Variants in QKI observed in about 807,000 individuals in gnomAD.
QKI encodes the protein QKI, KH domain containing RNA binding, also known as KH domain-containing RNA-binding protein QKI.
Under a neutral mutation model 39.0 loss-of-function variants are expected in QKI, and 10 were observed. The ratio of observed to expected loss-of-function variants is 0.26; its 90% confidence interval spans 0.16 to 0.43. The LOEUF (loss-of-function observed/expected upper bound fraction) is 0.43, where lower values mean the gene tolerates loss of function less well. Ranked by LOEUF, QKI falls within the 20% of genes least tolerant of loss-of-function variation. The probability of loss-of-function intolerance (pLI) is 1.00; values close to 1 mark genes in which losing one functional copy is unlikely to be tolerated. For synonymous variants in QKI, 204 were observed against 155.4 expected, an observed-to-expected ratio of 1.31 and a Z score of -2.33; for missense variants, 218 against 428.0, an observed-to-expected ratio of 0.51 and a Z score of 4.33.
At chr6:163,495,345 G>A (rs1778339157) in intron 3 of QKI, among the ~76,000 whole-genome samples, 1 of 152,174 alleles carries the variant, frequency 6.6e-6, no homozygotes, top group South Asian at 2.1e-4. Flanking sequence ...CTAATTCAGT[G>A]TTCCTGGTGA....
Position 163,415,069 on chromosome 6 carries a change from G to C in QKI, c.-125G>C. The C allele has an allele frequency of 1.1e-6, 1 of 937,686 alleles. No individual in the cohort carries two copies. The highest frequency in any genetic ancestry group is 1.8e-5 in the African/African-American group (1 of 55,602). 58.1% of individuals were successfully genotyped at this position (937,686 alleles called of 1,614,324 possible). ...GGGGCTCGGCGCGGGAGCCAGAGCGGGAGCCGGCGCGGAGCGGGACGCCGG... is the reference window on the plus strand; with the variant it reads ...GGGGCTCGGCGCGGGAGCCAGAGCGCGAGCCGGCGCGGAGCGGGACGCCGG... On this transcript the variant is annotated 5_prime_UTR_variant, in exon 1 of 8. Transcript: ENST00000361752.
intron 3 of QKI, among the ~76,000 whole-genome samples, chr6:163,521,173 C>T (rs927815399): frequency 2.6e-5 from 4 of 151,932 alleles, no homozygotes; most frequent in Admixed American, 6.6e-5. Flanking sequence ...TTATGTCATC[C>T]GAATATCAGC....
intron 1 of QKI, among the ~76,000 whole-genome samples, chr6:163,424,049 T>C (rs905480806): frequency 2.6e-5 from 4 of 152,242 alleles, no homozygotes; most frequent in African/African-American, 9.6e-5. Flanking sequence ...GTAGCTACTA[T>C]ATCGTATTCC....
intron 1 of QKI, 57 bp downstream of exon 1, chr6:163,415,392 C>T: frequency 2.0e-6 from 3 of 1,526,352 alleles, no homozygotes; most frequent in Middle Eastern, 2.0e-4. Context: ...GGCCCCTTTC[C>T]CCGCTTGGGA....
intron 3 of QKI, among the ~76,000 whole-genome samples, chr6:163,505,579 G>A (rs984984460): frequency 3.9e-5 from 6 of 152,140 alleles, no homozygotes; most frequent in African/African-American, 1.2e-4. Context: ...CTGCCTACCC[G>A]GGTTTTGGAC....
chr6:163,501,982 CTAAA>C (rs1778796330), intron 3 of QKI, among the ~76,000 whole-genome samples: 1 of 152,148 alleles, frequency 6.6e-6, no homozygotes, highest in African/African-American at 2.4e-5. Context: ...CTTTCATAGA[CTAAA>C]TATTTTATTT....
chr6:163,485,057 A>G (rs1777561688), intron 3 of QKI, among the ~76,000 whole-genome samples: 1 of 152,194 alleles, frequency 6.6e-6, no homozygotes, highest in Non-Finnish European at 1.5e-5. Context: ...GACCAAATAT[A>G]TTTATTTCAT....
intron 1 of QKI, among the ~76,000 whole-genome samples, chr6:163,448,540 C>T (rs1033973619): frequency 5.3e-5 from 8 of 151,104 alleles, no homozygotes; most frequent in Non-Finnish European, 8.8e-5. Context: ...CCAGCCTGGC[C>T]GACATGGTGA....
At position 163,496,689 on chromosome 6, in the gene QKI, T is replaced by C. The variant is rs1205901007; in HGVS notation, c.402+17793T>C. 8.5e-5 allele frequency among the ~76,000 whole-genome samples: 13 copies of C among 152,320 alleles called. No homozygotes were observed. The East Asian group carries it at 2.1e-3, about 25-fold the overall frequency. ...AGTTTTCTACTCTTTGCCTCCTCTT[T>C]GTGTATTCCTCGAACATACACATGC... On this transcript the variant is annotated intron_variant, in intron 3 of 7. Transcript: ENST00000361752.
At chr6:163,545,400 A>C (rs1319078352) in intron 4 of QKI, among the ~76,000 whole-genome samples, 3 of 152,142 alleles carry the variant, frequency 2.0e-5, no homozygotes, top group Non-Finnish European at 4.4e-5. Flanking sequence ...ATACAGACAG[A>C]TTAAGAAGTT....
chr6:163,565,002 C>T (rs1783264216), intron 6 of QKI: 1 of 1,250,536 alleles, frequency 8.0e-7, no homozygotes, highest in Admixed American at 3.7e-5. Context: ...TAAAGAAAGC[C>T]ATGATGCTCT....
At chr6:163,551,158 T>G (rs1439334683) in intron 4 of QKI, among the ~76,000 whole-genome samples, 2 of 152,160 alleles carry the variant, frequency 1.3e-5, no homozygotes, top group Non-Finnish European at 2.9e-5. Flanking sequence ...TACTATACTC[T>G]CACAACACCG....
intron 3 of QKI, among the ~76,000 whole-genome samples, chr6:163,532,015 T>C (rs1247901619): frequency 6.6e-6 from 1 of 152,246 alleles, no homozygotes; most frequent in African/African-American, 2.4e-5. Flanking sequence ...AGTTGTTGAA[T>C]TAGTAAGAGT....
At chr6:163,527,803 A>G (rs1780608898) in intron 3 of QKI, among the ~76,000 whole-genome samples, 2 of 152,194 alleles carry the variant, frequency 1.3e-5, no homozygotes, top group South Asian at 4.1e-4. Context: ...ATTTAGTTAT[A>G]AACAATGGTG....
chr6:163,499,560 G>A (rs1443886644), intron 3 of QKI, among the ~76,000 whole-genome samples: 1 of 152,166 alleles, frequency 6.6e-6, no homozygotes, highest in Non-Finnish European at 1.5e-5. Context: ...CACTGACAGT[G>A]TACGTTTAGT....
chr6:163,460,155 T>G (rs1006371212), intron 2 of QKI, among the ~76,000 whole-genome samples: 1 of 152,184 alleles, frequency 6.6e-6, no homozygotes, highest in African/African-American at 2.4e-5. Flanking sequence ...CAGATTAGAT[T>G]GGTAAACTGC....
intron 1 of QKI, among the ~76,000 whole-genome samples, chr6:163,451,711 C>A (rs995885104): frequency 1.3e-5 from 2 of 152,048 alleles, no homozygotes; most frequent in African/African-American, 4.8e-5. Flanking sequence ...ACAACTGCTG[C>A]GGGTTGTTGA....
intron 3 of QKI, among the ~76,000 whole-genome samples, chr6:163,487,195 G>A (rs1056576416): frequency 2.0e-5 from 3 of 149,386 alleles, no homozygotes; most frequent in Admixed American, 6.7e-5. Flanking sequence ...TTTTTTTTAC[G>A]TTTTCATTAT....
At chr6:163,535,445 C>A (rs1016560920) in intron 4 of QKI, among the ~76,000 whole-genome samples, 2 of 152,022 alleles carry the variant, frequency 1.3e-5, no homozygotes, top group African/African-American at 2.4e-5. Context: ...CCTCTGCCCC[C>A]CTTCCTTGGG....
Sources: allele counts gnomAD v4.1 joint callset (sites outside exome capture counted in the v4.1 genomes callset), GRCh38; gene constraint gnomAD v4.1.1; transcripts MANE v1.5; gene names NCBI Gene and HGNC (gene_info 2026-07-23, HGNC 2026-07-21).